OSGIN2: variants seen among roughly 807,000 people sequenced by gnomAD.
The protein encoded by OSGIN2 is oxidative stress induced growth inhibitor family member 2.
A neutral mutation model predicts 53.8 loss-of-function variants in OSGIN2; 19 were observed. That is an observed-to-expected ratio of 0.35 (90% CI 0.25 to 0.52). The LOEUF is 0.52. Ranked by LOEUF, OSGIN2 falls within the 20% of genes least tolerant of loss-of-function variation. OSGIN2 has a pLI of 0.95. For synonymous variants in OSGIN2, 236 were observed against 236.0 expected, an observed-to-expected ratio of 1.00 and a Z score of 0.00; for missense variants, 520 against 662.7, an observed-to-expected ratio of 0.78 and a Z score of 2.36.
chr8:89,910,917 A>T (rs1808954845), intron 2 of OSGIN2, among the ~76,000 whole-genome samples: 1 of 152,202 alleles, frequency 6.6e-6, no homozygotes. Context: ...ATAAAGAGCT[A>T]ATTTCTTAAA....
chr8:89,901,898 C>T (rs1229064678), upstream of OSGIN2: 1 of 152,444 alleles, frequency 6.6e-6, no homozygotes, highest in South Asian at 2.1e-4. Context: ...CCTGGATTTT[C>T]ACCCGGCGTG....
At chr8:89,903,773 A>T (rs1808780425) in intron 1 of OSGIN2, among the ~76,000 whole-genome samples, 1 of 152,266 alleles carries the variant, frequency 6.6e-6, no homozygotes, top group Admixed American at 6.5e-5. Context: ...AAATATGTTT[A>T]TATCACATTG....
In OSGIN2 at chr8:89,914,689, A is replaced by T; in HGVS notation, c.471A>T (p.Gln157His). Reference protein sequence around the residue: ...YPSVLHWKLEQHHYIPHVVLG... With the variant: ...YPSVLHWKLEHHHYIPHVVLG... ...CCGTTTTGCATTGGAAATTAGAGCAACATCATTATATCCCTCACGTAGTTC... is the reference window on the plus strand; with the variant it reads ...CCGTTTTGCATTGGAAATTAGAGCATCATCATTATATCCCTCACGTAGTTC... Residue 157 changes from glutamine to histidine, a missense_variant, in exon 4 of 6, where the codon CAA becomes CAT. Around this residue, in one of 3 missense-constraint regions of OSGIN2, gnomAD observed 203 missense variants for 275.3 expected, o/e 0.74. Transcript: ENST00000451899. 1.2e-6 allele frequency: 2 copies of T among 1,614,100 alleles called. No homozygotes were observed. The highest frequency in any genetic ancestry group is 1.1e-5 in the South Asian group (1 of 91,082).
intron 2 of OSGIN2, among the ~76,000 whole-genome samples, chr8:89,910,547 A>G (rs1351399555): frequency 6.6e-6 from 1 of 152,152 alleles, no homozygotes; most frequent in African/African-American, 2.4e-5. Flanking sequence ...AAAAGAGGAG[A>G]GCAAGATTGT....
chr8:89,914,324 T>C (rs775808375), intron 3 of OSGIN2, 111 bp downstream of exon 3: 19 of 737,730 alleles, frequency 2.6e-5, no homozygotes, highest in Non-Finnish European at 3.9e-5. Flanking sequence ...TAACACCTTA[T>C]ATCATTTTTA....
At chr8:89,914,816 A>C in intron 4 of OSGIN2, 70 bp downstream of exon 4, 1 of 1,057,322 alleles carries the variant, frequency 9.5e-7, no homozygotes, top group South Asian at 1.4e-5. Flanking sequence ...CTTTATTCTT[A>C]AGCATTATGA....
chr8:89,924,098 C>T (rs771278769), intron 5 of OSGIN2, among the ~76,000 whole-genome samples: 15 of 151,988 alleles, frequency 9.9e-5, no homozygotes, highest in Non-Finnish European at 2.1e-4. Context: ...TTAGTTAGGC[C>T]TGTAATATCT....
At chr8:89,919,171 A>T (rs1170205474) in intron 4 of OSGIN2, among the ~76,000 whole-genome samples, 1 of 152,316 alleles carries the variant, frequency 6.6e-6, no homozygotes. Context: ...GTGCTCTAGC[A>T]TGCTTTTGTT....
At position 89,917,091 on chromosome 8, in the gene OSGIN2, G is replaced by A. The variant is rs530206955; in HGVS notation, c.528+2345G>A. On this transcript the variant is annotated intron_variant, in intron 4 of 5. Transcript: ENST00000451899. ...TCATGGGTCTTCCATTATATCCCAA[G>A]TTTTGTTACCACCTTGAATAATTTT... 2.6e-5 allele frequency among the ~76,000 whole-genome samples: 4 copies of A among 152,196 alleles called. No homozygotes were observed. In the South Asian group the frequency reaches 8.3e-4, roughly 32 times the overall value.
intron 1 of OSGIN2, 21 bp from the exon 2 acceptor site, chr8:89,909,546 C>A: frequency 7.8e-7 from 1 of 1,275,918 alleles, no homozygotes; most frequent in Non-Finnish European, 1.1e-6. Flanking sequence ...TCTTTTTATT[C>A]CCCCTTTTTT....
chr8:89,902,300 C>A (rs1808733421), upstream of OSGIN2, among the ~76,000 whole-genome samples: 1 of 152,162 alleles, frequency 6.6e-6, no homozygotes, highest in Admixed American at 6.5e-5. Context: ...CTCACCAAGT[C>A]GCACGCAGAG....
intron 4 of OSGIN2, 53 bp from the exon 5 acceptor site, chr8:89,921,027 C>A (rs543358727): frequency 4.6e-6 from 5 of 1,086,960 alleles, no homozygotes; most frequent in African/African-American, 1.6e-5. Context: ...CCAAAAAAAA[C>A]CATGTTACTT....
At chr8:89,911,786 T>G (rs1265193316) in intron 2 of OSGIN2, among the ~76,000 whole-genome samples, 1 of 150,810 alleles carries the variant, frequency 6.6e-6, no homozygotes, top group Non-Finnish European at 1.5e-5. Context: ...TACAAAAAAT[T>G]AGCCAGGCAT....
In OSGIN2 at chr8:89,909,734, A is replaced by G; in HGVS notation, c.199+13A>G. 6.5e-7 allele frequency: 1 copy of G among 1,537,058 alleles called. No homozygotes were observed. Among genetic ancestry groups the G allele is most frequent in the Non-Finnish European group, 8.9e-7 (1 of 1,121,224 alleles). ...GTGGTAATAATAGGTAAGTTATTGT[A>G]TTTTATCTTTTAAAATTATAGTTAA... On this transcript the variant is annotated intron_variant, in intron 2 of 5. Coordinates refer to ENST00000451899, the MANE Select transcript of OSGIN2 (RefSeq NM_001126111.3).
chr8:89,914,558 T>G lies in OSGIN2; in HGVS notation c.340T>G (p.Leu114Val), dbSNP rs961123024. 6.2e-7 allele frequency: 1 copy of G among 1,613,326 alleles called. No homozygotes were observed. The highest frequency in any genetic ancestry group is 8.5e-7 in the Non-Finnish European group (1 of 1,179,326). The change falls in exon 4 of 6, where the codon TTA (leucine) becomes GTA (valine). Residue 114 changes from leucine (L) to valine (V), a missense_variant. Coordinates refer to ENST00000451899, the MANE Select transcript of OSGIN2 (RefSeq NM_001126111.3). ...ARHLSIVDQD[L>V]EYLSEGLEGR... The stretch of plus-strand genomic sequence containing the variant: ...TGTCTCCCTTTTGTTCATTCAGGAC[T>G]TAGAATACTTGTCTGAGGGCCTTGA...
Position 89,914,623 on chromosome 8 carries a change from ACTT to A in OSGIN2, c.410_412del (p.Leu137del), listed in dbSNP as rs764545238. 2 of 1,613,962 alleles carry A rather than the reference ACTT, an allele frequency of 1.2e-6. No homozygotes were observed. Among genetic ancestry groups the A allele is most frequent in the Non-Finnish European group, 1.7e-6 (2 of 1,179,950 alleles). On this transcript the variant is annotated inframe_deletion, in exon 4 of 6. Coordinates refer to ENST00000451899, the MANE Select transcript of OSGIN2 (RefSeq NM_001126111.3). Reference sequence around the variant, plus strand: ...ATCCAGTTGCAGTACTTTTCGATACACTTCTTCATCCAGATGCTGACTTTGGGT... The same window carrying A: ...ATCCAGTTGCAGTACTTTTCGATACACTTCATCCAGATGCTGACTTTGGGT...
In OSGIN2 at chr8:89,914,062, T is replaced by C. The variant is rs1248806491; in HGVS notation, c.200-15T>C. 4.4e-6 allele frequency: 7 copies of C among 1,606,492 alleles called. No individual in the cohort carries two copies. The highest frequency in any genetic ancestry group is 6.0e-6 in the Non-Finnish European group (7 of 1,176,064). On this transcript the variant is annotated splice_polypyrimidine_tract_variant and intron_variant, in intron 2 of 5. Transcript: ENST00000451899. ...GATGCATGACCTACCCCTTTCCACC[T>C]TTTATTTTTAATAGGAAATGGACCC...
chr8:89,909,219 G>T (rs1260670761), intron 1 of OSGIN2, among the ~76,000 whole-genome samples: 4 of 151,462 alleles, frequency 2.6e-5, no homozygotes, highest in African/African-American at 9.7e-5. Flanking sequence ...TAAAAAGAAA[G>T]GTATGGAGGA....
Position 89,902,852 on chromosome 8 carries a change from G to C in OSGIN2, c.44+15G>C. ...GGTCATTTCAGGTGACTTCCTCGCCGGGGATGGGAGGGGAGCAGGCGGGGA... is the reference window on the plus strand; with the variant it reads ...GGTCATTTCAGGTGACTTCCTCGCCCGGGATGGGAGGGGAGCAGGCGGGGA... On this transcript the variant is annotated intron_variant, in intron 1 of 5. Transcript: ENST00000451899. 7.3e-7 allele frequency: 1 copy of C among 1,367,300 alleles called. No individual in the cohort carries two copies. The highest frequency in any genetic ancestry group is 3.0e-5 in the East Asian group (1 of 32,908). The allele number at this position is 1,367,300 out of a possible 1,614,324, so 84.7% of individuals were successfully genotyped here.
Sources: gnomAD v4.1 joint callset for allele counts (sites outside exome capture counted in the v4.1 genomes callset) on GRCh38, gnomAD v4.1.1 for gene constraint, gnomAD v4.1.1 regional missense constraint, MANE v1.5 for transcripts, NCBI Gene and HGNC (gene_info 2026-07-23, HGNC 2026-07-21) for gene names.